TNR: variants seen among roughly 807,000 people sequenced by gnomAD.
TNR encodes tenascin-R.
Under a neutral mutation model 150.4 loss-of-function variants are expected in TNR, and 45 were observed. That is an observed-to-expected ratio of 0.30 (90% CI 0.24 to 0.38). The LOEUF (loss-of-function observed/expected upper bound fraction) is 0.38, where lower values mean the gene tolerates loss of function less well. Ranked by LOEUF, TNR falls within the 10% of genes least tolerant of loss-of-function variation. The probability of loss-of-function intolerance (pLI) is 1.00; values close to 1 mark genes in which losing one functional copy is unlikely to be tolerated. For missense variants in TNR, 1,544 were observed against 1,759.1 expected, an observed-to-expected ratio of 0.88 and a Z score of 2.19; for synonymous variants, 687 against 678.4, an observed-to-expected ratio of 1.01 and a Z score of -0.20.
intron 9 of TNR, among the ~76,000 whole-genome samples, chr1:175,377,374 A>G (rs1333248544): frequency 6.6e-6 from 1 of 151,788 alleles, no homozygotes; most frequent in Non-Finnish European, 1.5e-5. Flanking sequence ...TCGATTTTAT[A>G]TAACTGCTAA....
At chr1:175,505,391 G>A (rs1277457696) in intron 2 of TNR, among the ~76,000 whole-genome samples, 3 of 152,354 alleles carry the variant, frequency 2.0e-5, no homozygotes, top group Non-Finnish European at 1.5e-5. Context: ...GAGCGAGCAG[G>A]GAGACCGCGC....
intron 2 of TNR, among the ~76,000 whole-genome samples, chr1:175,414,200 A>C (rs1259874436): frequency 2.0e-5 from 3 of 152,138 alleles, no homozygotes; most frequent in Admixed American, 2.0e-4. Context: ...TCTTTTGCTC[A>C]TAAGCCACCC....
At chr1:175,527,767 A>G (rs1659903138) in intron 2 of TNR, among the ~76,000 whole-genome samples, 1 of 152,252 alleles carries the variant, frequency 6.6e-6, no homozygotes, top group South Asian at 2.1e-4. Flanking sequence ...AGGAATTAGG[A>G]AAGCTTTTAA....
intron 1 of TNR, among the ~76,000 whole-genome samples, chr1:175,567,135 C>T (rs763915876): frequency 1.4e-4 from 21 of 152,138 alleles, no homozygotes; most frequent in Non-Finnish European, 2.4e-4. Flanking sequence ...CAAGCCTTGG[C>T]ATGAAAAATT....
At chr1:175,385,924 C>T in intron 8 of TNR, 108 bp downstream of exon 8, 3 of 1,324,936 alleles carry the variant, frequency 2.3e-6, no homozygotes, top group Non-Finnish European at 3.1e-6. Flanking sequence ...GGCCAATGCT[C>T]TGACACACCT....
intron 1 of TNR, among the ~76,000 whole-genome samples, chr1:175,540,429 TC>T (rs1299286572): frequency 1.3e-5 from 2 of 152,152 alleles, no homozygotes; most frequent in African/African-American, 4.8e-5. Context: ...GTTTTCAATT[TC>T]CTTTCATTGG....
At chr1:175,639,711 G>A (rs528591124) in intron 1 of TNR, among the ~76,000 whole-genome samples, 8 of 152,250 alleles carry the variant, frequency 5.3e-5, no homozygotes, top group African/African-American at 1.9e-4. Flanking sequence ...TAACTTTCCA[G>A]CCTCACCAAG....
chr1:175,339,452 C>T (rs1650410156), intron 18 of TNR, among the ~76,000 whole-genome samples: 1 of 152,152 alleles, frequency 6.6e-6, no homozygotes, highest in African/African-American at 2.4e-5. Context: ...GTTCCTGATC[C>T]CACCTACCCC....
intron 1 of TNR, among the ~76,000 whole-genome samples, chr1:175,711,538 C>T (rs1667014385): frequency 6.6e-6 from 1 of 152,196 alleles, no homozygotes; most frequent in South Asian, 2.1e-4. Context: ...AGTGATTTAA[C>T]TTCTGCCATA....
At chr1:175,537,984 T>C (rs1660361193) in intron 1 of TNR, among the ~76,000 whole-genome samples, 1 of 152,188 alleles carries the variant, frequency 6.6e-6, no homozygotes, top group African/African-American at 2.4e-5. Context: ...GATAATTCTT[T>C]TTTGGGTGAA....
intron 1 of TNR, among the ~76,000 whole-genome samples, chr1:175,552,691 T>C (rs1386550539): frequency 6.6e-6 from 1 of 152,214 alleles, no homozygotes; most frequent in Non-Finnish European, 1.5e-5. Context: ...TGAAGTCTTC[T>C]AATTTTGTGA....
intron 2 of TNR, among the ~76,000 whole-genome samples, chr1:175,421,754 C>G (rs942991829): frequency 1.3e-5 from 2 of 152,150 alleles, no homozygotes; most frequent in African/African-American, 4.8e-5. Context: ...TAGGTTTGCC[C>G]AAACCAGCTG....
intron 2 of TNR, among the ~76,000 whole-genome samples, chr1:175,451,498 G>A (rs1435248394): frequency 6.6e-6 from 1 of 151,952 alleles, no homozygotes; most frequent in Non-Finnish European, 1.5e-5. Flanking sequence ...CAGGCCTCCA[G>A]TCTGGTGCTC....
At chr1:175,712,960 T>C (rs1469390200) in intron 1 of TNR, among the ~76,000 whole-genome samples, 2 of 152,180 alleles carry the variant, frequency 1.3e-5, no homozygotes, top group African/African-American at 2.4e-5. Context: ...ATGATGTCTA[T>C]AGGCTCCTGG....
chr1:175,437,636 C>G (rs1292831172), intron 2 of TNR, among the ~76,000 whole-genome samples: 3 of 151,906 alleles, frequency 2.0e-5, no homozygotes, highest in African/African-American at 7.3e-5. Flanking sequence ...GCTAGCAAGA[C>G]TAATAAAGAA....
chr1:175,729,583 A>G (rs1358444721), intron 1 of TNR, among the ~76,000 whole-genome samples: 1 of 151,990 alleles, frequency 6.6e-6, no homozygotes, highest in Non-Finnish European at 1.5e-5. Flanking sequence ...ATAAGCCACC[A>G]TGCCTAGTCT....
At position 175,418,814 on chromosome 1, in the gene TNR, G is replaced by C. The variant is rs1654624954; in HGVS notation, c.-63-12037C>G. On this transcript the variant is annotated intron_variant, in intron 2 of 22. Transcript: ENST00000367674. ...GTTCCTGGGATAGTACAATGTAGGG[G>C]TGATTGTATTCAGGGATGAAGTGTA... Among the ~76,000 whole-genome samples, 3 of 152,130 alleles carry C rather than the reference G, an allele frequency of 2.0e-5. No individual in the cohort carries two copies. The South Asian group carries it at 6.2e-4, about 32-fold the overall frequency.
chr1:175,540,973 CT>C (rs1660479354), intron 1 of TNR, among the ~76,000 whole-genome samples: 1 of 152,118 alleles, frequency 6.6e-6, no homozygotes, highest in South Asian at 2.1e-4. Context: ...CCACCCTCCC[CT>C]GCCTCCTCTC....
chr1:175,628,907 T>C (rs961135728), intron 1 of TNR, among the ~76,000 whole-genome samples: 4 of 152,194 alleles, frequency 2.6e-5, no homozygotes, highest in African/African-American at 7.2e-5. Flanking sequence ...AGGACACTTA[T>C]CTCTGGGACT....
Sources: gnomAD v4.1 joint callset for allele counts (sites outside exome capture counted in the v4.1 genomes callset) on GRCh38, gnomAD v4.1.1 for gene constraint, MANE v1.5 for transcripts, NCBI Gene and HGNC (gene_info 2026-07-23, HGNC 2026-07-21) for gene names.